The following TBC1D25 variants were observed in gnomAD, a reference collection of about 807,000 sequenced individuals.
TBC1D25 encodes the protein 5SN3 snoRNA.
TBC1D25 carries 13 observed loss-of-function variants against 38.8 expected under a neutral mutation model. That is an observed-to-expected ratio of 0.34 (90% CI 0.22 to 0.53). The LOEUF (loss-of-function observed/expected upper bound fraction) is 0.53. TBC1D25 is among the 20% of genes least tolerant of loss of function. The probability of loss-of-function intolerance (pLI) is 0.94; values close to 1 mark genes in which losing one functional copy is unlikely to be tolerated. For missense variants in TBC1D25, 372 were observed against 600.0 expected, an observed-to-expected ratio of 0.62 and a Z score of 3.97; for synonymous variants, 225 against 255.6, an observed-to-expected ratio of 0.88 and a Z score of 1.14.
intron 2 of TBC1D25, among the ~76,000 whole-genome samples, chrX:48,542,989 T>C (rs2061852847): frequency 9.0e-6 from 1 of 111,674 alleles, no homozygotes; most frequent in Non-Finnish European, 1.9e-5. Flanking sequence ...TGTATTGTCA[T>C]AATTGTTCTA....
chrX:48,544,915 C>T lies in TBC1D25; in HGVS notation c.280C>T (p.Gln94Ter). ...ISYLGRDRLG[Q>*]EVYLSLLSDW... ...CTACCTGGGCCGGGACCGGCTAGGA[C>T]AGGAAGTTTACCTCTCACTTCTATC... The change falls in exon 3 of 6, where the codon CAG (glutamine) becomes TAG (stop). Residue 94 changes from glutamine to a stop codon, truncating the protein, a stop_gained. Coordinates refer to ENST00000376771, the MANE Select transcript of TBC1D25 (RefSeq NM_002536.4). LOFTEE classifies it high-confidence loss of function. The T allele has an allele frequency of 8.3e-7, 1 of 1,212,054 alleles. No homozygotes were observed. Among genetic ancestry groups the T allele is most frequent in the Non-Finnish European group, 1.1e-6 (1 of 895,578 alleles).
At chrX:48,549,416 A>G in intron 3 of TBC1D25, among the ~76,000 whole-genome samples, 1 of 112,594 alleles carries the variant, frequency 8.9e-6, no homozygotes, top group East Asian at 2.8e-4. Context: ...TACGGGATGG[A>G]TCTGTTTTGT....
chrX:48,554,832 G>A lies in TBC1D25; in HGVS notation c.389-4065G>A, dbSNP rs187795147. On this transcript the variant is annotated intron_variant, in intron 3 of 5. Coordinates refer to ENST00000376771, the MANE Select transcript of TBC1D25 (RefSeq NM_002536.4). The stretch of plus-strand genomic sequence containing the variant: ...CTCCATGCCTTGCAGTGGTTCTTCT[G>A]TTCAGACTTTCAGACCATTACTGAT... Among the ~76,000 whole-genome samples the A allele has an allele frequency of 1.9e-4, 21 of 111,855 alleles. No homozygotes were observed. In the East Asian group the frequency reaches 5.3e-3, roughly 28 times the overall value.
chrX:48,561,374 T>C lies in TBC1D25; in HGVS notation c.*399T>C. ...GGGAGAGTGGATGCTGACAATCAGTTCCCAAAGGTGAGCCCAGGTGGAGCA... is the reference window on the plus strand; with the variant it reads ...GGGAGAGTGGATGCTGACAATCAGTCCCCAAAGGTGAGCCCAGGTGGAGCA... On this transcript the variant is annotated 3_prime_UTR_variant, in exon 6 of 6. Coordinates refer to ENST00000376771, the MANE Select transcript of TBC1D25 (RefSeq NM_002536.4). The C allele has an allele frequency of 6.7e-6, 1 of 148,984 alleles. No homozygotes were observed. The highest frequency in any genetic ancestry group is 1.3e-5 in the Non-Finnish European group (1 of 77,654). 12.3% of individuals were successfully genotyped at this position (148,984 alleles called of 1,213,427 possible).
In TBC1D25 at chrX:48,560,786, G is replaced by A. The variant is rs782290427; in HGVS notation, c.1878G>A (p.Leu626=). 6 of 1,211,909 alleles carry A rather than the reference G, an allele frequency of 5.0e-6. No individual in the cohort carries two copies. In the South Asian group the frequency reaches 8.8e-5, roughly 18 times the overall value. The change falls in exon 6 of 6, where the codon CTG becomes CTA. Residue 626 remains leucine, a synonymous_variant. Transcript: ENST00000376771. ...PFMLFLCLAI[L]LEHRDHIMRN... The stretch of plus-strand genomic sequence containing the variant: ...TGCTGTTCCTCTGCCTGGCCATCCT[G>A]CTGGAGCACCGCGACCACATCATGC...
intron 3 of TBC1D25, 58 bp from the exon 4 acceptor site, chrX:48,558,839 G>A (rs994297594): frequency 8.4e-6 from 10 of 1,193,036 alleles, no homozygotes; most frequent in South Asian, 1.8e-5. Context: ...AGAGGAAGCC[G>A]GCCCTGAGGT....
chrX:48,552,250 G>A (rs781861777), intron 3 of TBC1D25, among the ~76,000 whole-genome samples: 46 of 101,881 alleles, frequency 4.5e-4, no homozygotes, highest in East Asian at 1.9e-3. Flanking sequence ...GCAGTGGCAC[G>A]ATCTCAGCTC....
intron 3 of TBC1D25, among the ~76,000 whole-genome samples, chrX:48,553,428 C>G (rs931868792): frequency 2.8e-5 from 3 of 107,768 alleles, no homozygotes; most frequent in African/African-American, 1.0e-4. Flanking sequence ...CTGAATAGAT[C>G]TGTACTGTCT....
At chrX:48,543,123 G>A (rs2061853887) in intron 2 of TBC1D25, among the ~76,000 whole-genome samples, 1 of 110,725 alleles carries the variant, frequency 9.0e-6, no homozygotes, top group African/African-American at 3.3e-5. Flanking sequence ...GCATCCACTC[G>A]GGGGGGTCTT....
chrX:48,547,754 A>G (rs2061898315), intron 3 of TBC1D25, among the ~76,000 whole-genome samples: 1 of 111,143 alleles, frequency 9.0e-6, no homozygotes. Context: ...CTGGCCAAAC[A>G]TGGCGAAACC....
chrX:48,560,052 C>A lies in TBC1D25; in HGVS notation c.1144C>A (p.Leu382Met), dbSNP rs1556985662. ...GGCCACCAAGTTTGCACACTTGAAG[C>A]TGTTGCTGCGACACGCTGACCCTGA... ...AMATKFAHLK[L>M]LLRHADPDFY... Residue 382 changes from leucine (L) to methionine (M), a missense_variant, in exon 6 of 6, where the codon CTG (leucine) becomes ATG (methionine). Coordinates refer to ENST00000376771, the MANE Select transcript of TBC1D25 (RefSeq NM_002536.4). The A allele has an allele frequency of 1.7e-6, 2 of 1,210,213 alleles. No individual in the cohort carries two copies. Among genetic ancestry groups the A allele is most frequent in the Non-Finnish European group, 2.2e-6 (2 of 894,632 alleles).
chrX:48,540,211 G>A (rs2061827800), intron 1 of TBC1D25, among the ~76,000 whole-genome samples: 1 of 110,693 alleles, frequency 9.0e-6, no homozygotes, highest in African/African-American at 3.3e-5. Flanking sequence ...AGGAGGGGCC[G>A]CAGTAGTTGA....
chrX:48,542,429 A>G (rs1569481439), intron 2 of TBC1D25, among the ~76,000 whole-genome samples: 3 of 109,513 alleles, frequency 2.7e-5, no homozygotes, highest in Admixed American at 9.9e-5. Context: ...CGGCCTCCCA[A>G]AGTGCTAGGA....
chrX:48,554,474 G>C (rs1306778979), intron 3 of TBC1D25, among the ~76,000 whole-genome samples: 2 of 102,532 alleles, frequency 2.0e-5, no homozygotes, highest in African/African-American at 3.6e-5. Context: ...GCAGGAGAAT[G>C]GCTTGAACCC....
In TBC1D25 at chrX:48,560,464, C is replaced by G; in HGVS notation, c.1556C>G (p.Ser519Cys). 8.3e-7 allele frequency: 1 copy of G among 1,209,184 alleles called. No homozygotes were observed. Residue 519 changes from serine (S) to cysteine (C), a missense_variant, in exon 6 of 6, where the codon TCC (serine) becomes TGC (cysteine). Physicochemically the swap from Ser to Cys is moderately radical, Grantham distance 112 (BLOSUM62 -1). Coordinates refer to ENST00000376771, the MANE Select transcript of TBC1D25 (RefSeq NM_002536.4). The part of the protein sequence containing the change: ...GLQQLRDNMG[S>C]RRDPLVQLPH... ...CAGCAACTCAGGGATAACATGGGCT[C>G]CAGGAGGGACCCTCTGGTCCAGCTG...
chrX:48,543,382 G>A lies in TBC1D25; in HGVS notation c.234-1487G>A, dbSNP rs912704912. ...CTCCTGAGTAGCTGGTACTACAGGC[G>A]TGCGCCACCATGCCCGGCTAATTTT... On this transcript the variant is annotated intron_variant, in intron 2 of 5. Transcript: ENST00000376771. 4.6e-5 allele frequency among the ~76,000 whole-genome samples: 5 copies of A among 107,792 alleles called. No individual in the cohort carries two copies. In the East Asian group the frequency reaches 1.2e-3, roughly 26 times the overall value. The allele number at this position is 107,792 out of a possible 115,157, so 93.6% of individuals were successfully genotyped here.
Position 48,560,180 on chromosome X carries a change from C to G in TBC1D25, c.1272C>G (p.Leu424=). The change falls in exon 6 of 6, where the codon CTC becomes CTG. Residue 424 remains leucine (L), a synonymous_variant. Coordinates refer to ENST00000376771, the MANE Select transcript of TBC1D25 (RefSeq NM_002536.4). ...LKREFAFDDA[L]RMLEVTWSSL... is the part of the protein sequence containing the mutation. ...GTGAGTTCGCCTTCGACGATGCCCT[C>G]CGCATGCTTGAGGTCACTTGGAGTT... 8.3e-7 allele frequency: 1 copy of G among 1,209,494 alleles called. No homozygotes were observed.
At position 48,559,305 on chromosome X, in the gene TBC1D25, C is replaced by T; in HGVS notation, c.664C>T (p.Leu222=). The T allele has an allele frequency of 4.1e-6, 5 of 1,211,026 alleles. No individual in the cohort carries two copies. The highest frequency in any genetic ancestry group is 5.6e-6 in the Non-Finnish European group (5 of 895,166). ...GCTCTCCCGACCCGAGGAGTTGCGC[C>T]TGCGGATCTATCATGGCGGTGTGGA... ...GQLSRPEELR[L]RIYHGGVEPS... Residue 222 remains leucine (L), a synonymous_variant, in exon 5 of 6, where the codon CTG becomes TTG. Coordinates refer to ENST00000376771, the MANE Select transcript of TBC1D25 (RefSeq NM_002536.4).
At chrX:48,543,374 C>T (rs935584227) in intron 2 of TBC1D25, among the ~76,000 whole-genome samples, 13 of 108,243 alleles carry the variant, frequency 1.2e-4, no homozygotes, top group Non-Finnish European at 2.3e-4. Flanking sequence ...GTAGCTGGTA[C>T]TACAGGCGTG....
Sources: allele counts gnomAD v4.1 joint callset (sites outside exome capture counted in the v4.1 genomes callset), GRCh38; gene constraint gnomAD v4.1.1; transcripts MANE v1.5; gene names NCBI Gene and HGNC (gene_info 2026-07-23, HGNC 2026-07-21).